Variants in CWC27 observed in about 807,000 individuals in gnomAD.
CWC27 encodes spliceosome-associated protein CWC27 homolog.
CWC27 carries 47 observed loss-of-function variants against 63.6 expected under a neutral mutation model. The observed-to-expected ratio is 0.74, with a 90% CI of 0.58 to 0.94. The LOEUF (loss-of-function observed/expected upper bound fraction) is 0.94. Among genes scored for constraint, CWC27 ranks in the 40% least tolerant of loss-of-function variants. The pLI, the probability that CWC27 is intolerant of heterozygous loss-of-function variation, is 0.00. For missense variants in CWC27, 495 were observed against 554.3 expected, an observed-to-expected ratio of 0.89 and a Z score of 1.07; for synonymous variants, 175 against 179.8, an observed-to-expected ratio of 0.97 and a Z score of 0.22.
intron 10 of CWC27, among the ~76,000 whole-genome samples, chr5:64,854,194 T>C (rs1216306874): frequency 6.6e-6 from 1 of 152,260 alleles, no homozygotes; most frequent in Non-Finnish European, 1.5e-5. Context: ...ATTTTCTTTA[T>C]TCCTTCATCC....
chr5:64,876,919 A>G (rs1008685104), intron 10 of CWC27, among the ~76,000 whole-genome samples: 1 of 152,072 alleles, frequency 6.6e-6, no homozygotes, highest in African/African-American at 2.4e-5. Context: ...ATTTTAAAAA[A>G]CTACTTCAAT....
chr5:64,862,922 G>A (rs1746446787), intron 10 of CWC27, among the ~76,000 whole-genome samples: 1 of 152,138 alleles, frequency 6.6e-6, no homozygotes, highest in African/African-American at 2.4e-5. Flanking sequence ...GACAGGATAA[G>A]AAACCTTTCT....
At chr5:64,987,316 A>G (rs1749455765) in intron 13 of CWC27, among the ~76,000 whole-genome samples, 1 of 152,188 alleles carries the variant, frequency 6.6e-6, no homozygotes. Context: ...TTAATATTTT[A>G]TCATTTCAAG....
chr5:64,792,131 A>G (rs370250059), intron 7 of CWC27, among the ~76,000 whole-genome samples: 4 of 152,224 alleles, frequency 2.6e-5, no homozygotes, highest in East Asian at 3.9e-4. Context: ...TTATTTCAAG[A>G]TTCTGCTTTC....
At chr5:64,869,507 C>T (rs1580690169) in intron 10 of CWC27, among the ~76,000 whole-genome samples, 1 of 151,980 alleles carries the variant, frequency 6.6e-6, no homozygotes, top group East Asian at 1.9e-4. Flanking sequence ...AGTAGGAAAC[C>T]CACAGAGAAG....
intron 6 of CWC27, among the ~76,000 whole-genome samples, chr5:64,787,300 AG>A (rs1288785810): frequency 6.6e-6 from 1 of 152,176 alleles, no homozygotes; most frequent in Non-Finnish European, 1.5e-5. Flanking sequence ...CTTAAACTTA[AG>A]CTACAAACAT....
chr5:64,938,647 G>GTTCTCT, intron 11 of CWC27, among the ~76,000 whole-genome samples: 1 of 151,774 alleles, frequency 6.6e-6, no homozygotes, highest in Non-Finnish European at 1.5e-5. Context: ...TTTGAATGTT[G>GTTCTCT]GCCTGCCTTG....
chr5:65,005,032 G>A (rs1401142555), intron 13 of CWC27, among the ~76,000 whole-genome samples: 1 of 151,476 alleles, frequency 6.6e-6, no homozygotes, highest in Non-Finnish European at 1.5e-5. Context: ...AGTGTTGTCT[G>A]TTGAGTTCCT....
intron 11 of CWC27, among the ~76,000 whole-genome samples, chr5:64,959,980 A>T (rs910573889): frequency 7.2e-5 from 11 of 152,194 alleles, no homozygotes; most frequent in African/African-American, 2.7e-4. Flanking sequence ...TGAGGGGAAA[A>T]TTTGATTAAT....
chr5:64,916,900 G>GTAT (rs1561155690), intron 11 of CWC27, among the ~76,000 whole-genome samples: 1 of 151,132 alleles, frequency 6.6e-6, no homozygotes, highest in African/African-American at 2.4e-5. Flanking sequence ...AGTAGTAGTA[G>GTAT]TAGTAGTAGT....
At chr5:64,912,013 G>T (rs191489741) in intron 11 of CWC27, among the ~76,000 whole-genome samples, 2,120 of 150,210 alleles carry the variant, frequency 0.014, 16 homozygotes, top group Non-Finnish European at 0.019. Flanking sequence ...GGCAGATCTT[G>T]CAGTGAGCCG....
At chr5:64,971,647 A>G in intron 11 of CWC27, 56 bp from the exon 12 acceptor site, 6 of 1,308,564 alleles carry the variant, frequency 4.6e-6, no homozygotes, top group East Asian at 2.6e-5. Context: ...AAACATTGCT[A>G]TGAATCCACA....
At chr5:64,980,963 G>A (rs1441107735) in intron 13 of CWC27, among the ~76,000 whole-genome samples, 2 of 152,076 alleles carry the variant, frequency 1.3e-5, no homozygotes, top group Non-Finnish European at 2.9e-5. Flanking sequence ...ATGGTGGCGG[G>A]TGCCTGTGGT....
At chr5:64,922,209 A>G (rs1053543388) in intron 11 of CWC27, among the ~76,000 whole-genome samples, 2 of 152,214 alleles carry the variant, frequency 1.3e-5, no homozygotes, top group Non-Finnish European at 2.9e-5. Flanking sequence ...TTCATGGACT[A>G]TATCCTCAAA....
intron 11 of CWC27, among the ~76,000 whole-genome samples, chr5:64,908,552 T>C (rs957304750): frequency 6.6e-6 from 1 of 152,222 alleles, no homozygotes; most frequent in African/African-American, 2.4e-5. Context: ...ACTTGCTTTA[T>C]GAATCTGGGT....
intron 11 of CWC27, among the ~76,000 whole-genome samples, chr5:64,913,466 C>A (rs377345938): frequency 1.3e-5 from 2 of 151,886 alleles, no homozygotes; most frequent in East Asian, 3.9e-4. Flanking sequence ...CATACAAAAT[C>A]CAAAAGAATC....
At chr5:64,815,260 G>T (rs1744994329) in intron 10 of CWC27, among the ~76,000 whole-genome samples, 1 of 152,078 alleles carries the variant, frequency 6.6e-6, no homozygotes, top group Admixed American at 6.6e-5. Flanking sequence ...TTGTTTTCTT[G>T]CTCTGGCTAC....
At chr5:64,915,623 C>T (rs913078197) in intron 11 of CWC27, among the ~76,000 whole-genome samples, 4 of 152,024 alleles carry the variant, frequency 2.6e-5, no homozygotes, top group Non-Finnish European at 4.4e-5. Flanking sequence ...TTTTGGTTCC[C>T]AACTATGTCT....
chr5:64,990,301 A>G lies in CWC27; in HGVS notation c.1256+13063A>G, dbSNP rs1283021230. Among the ~76,000 whole-genome samples the G allele has an allele frequency of 2.6e-5, 2 of 77,264 alleles. 1 individual carries two copies. Among genetic ancestry groups the G allele is most frequent in the Admixed American group, 4.3e-4 (2 of 4,656 alleles). 50.7% of individuals were successfully genotyped at this position (77,264 alleles called of 152,430 possible). A position where few individuals can be genotyped will look rare whatever the true frequency, so the allele number is the denominator to read the frequency against. Reference sequence around the variant, plus strand: ...TTTTTTTGAGACGGAGTCTCGCTCTATCACCCAGGCTGGAGTGCAGTGGCG... The same window carrying G: ...TTTTTTTGAGACGGAGTCTCGCTCTGTCACCCAGGCTGGAGTGCAGTGGCG... On this transcript the variant is annotated intron_variant, in intron 13 of 13. Coordinates refer to ENST00000381070, the MANE Select transcript of CWC27 (RefSeq NM_005869.4).
Sources: allele counts gnomAD v4.1 joint callset (sites outside exome capture counted in the v4.1 genomes callset), GRCh38; gene constraint gnomAD v4.1.1; transcripts MANE v1.5; gene names NCBI Gene and HGNC (gene_info 2026-07-23, HGNC 2026-07-21).